Variants in NOVA1 observed in about 807,000 individuals in gnomAD.
The protein encoded by NOVA1 is NOVA alternative splicing regulator 1.
A neutral mutation model predicts 38.0 loss-of-function variants in NOVA1; 7 were observed. The observed-to-expected ratio is 0.18, with a 90% CI of 0.10 to 0.35. The LOEUF is 0.35. Among genes scored for constraint, NOVA1 ranks in the 10% least tolerant of loss-of-function variants. The pLI, the probability that NOVA1 is intolerant of heterozygous loss-of-function variation, is 1.00. For synonymous variants in NOVA1, 270 were observed against 232.5 expected (o/e 1.16, Z -1.47); for missense variants, 460 against 616.0 (o/e 0.75, Z 2.68).
At chr14:26,485,367 G>A (rs551733337) in intron 2 of NOVA1, among the ~76,000 whole-genome samples, 47 of 151,806 alleles carry the variant, frequency 3.1e-4, no homozygotes, top group African/African-American at 1.1e-3. Flanking sequence ...GATATATTTC[G>A]GAAAATGATT....
At chr14:26,454,245 T>C (rs948767491) in intron 4 of NOVA1, among the ~76,000 whole-genome samples, 4 of 152,142 alleles carry the variant, frequency 2.6e-5, no homozygotes, top group Non-Finnish European at 5.9e-5. Context: ...GGGGCACAGG[T>C]TGCACAAGCT....
At chr14:26,470,543 T>C in intron 4 of NOVA1, 5 of 1,179,074 alleles carry the variant, frequency 4.2e-6, no homozygotes, top group East Asian at 2.4e-5. Flanking sequence ...TAACAGAGTA[T>C]AGTGGACAGA....
intron 2 of NOVA1, among the ~76,000 whole-genome samples, chr14:26,533,707 G>A (rs1278111686): frequency 6.6e-6 from 1 of 152,084 alleles, no homozygotes; most frequent in Admixed American, 6.6e-5. Flanking sequence ...TCTACCCTAA[G>A]AAAATTAACT....
intron 1 of NOVA1, chr14:26,596,610 T>G (rs1272621248): frequency 2.3e-6 from 3 of 1,288,992 alleles, no homozygotes; most frequent in Admixed American, 2.3e-5. Flanking sequence ...TTAAGATGAT[T>G]CCAGTGCAAA....
chr14:26,487,478 AC>A (rs1886008656), intron 2 of NOVA1, among the ~76,000 whole-genome samples: 1 of 152,078 alleles, frequency 6.6e-6, no homozygotes, highest in African/African-American at 2.4e-5. Flanking sequence ...TGATTGACAC[AC>A]ATAAAATCTC....
intron 2 of NOVA1, among the ~76,000 whole-genome samples, chr14:26,481,275 T>G (rs942146712): frequency 2.6e-5 from 4 of 152,096 alleles, no homozygotes; most frequent in Non-Finnish European, 5.9e-5. Context: ...ACATATTTCC[T>G]TTTGGTGCTA....
At chr14:26,546,693 A>C in intron 2 of NOVA1, among the ~76,000 whole-genome samples, 1 of 152,178 alleles carries the variant, frequency 6.6e-6, no homozygotes, top group East Asian at 1.9e-4. Flanking sequence ...AAGAGGTCTA[A>C]GTATTTATCA....
intron 2 of NOVA1, among the ~76,000 whole-genome samples, chr14:26,557,300 G>A (rs756035807): frequency 3.3e-5 from 5 of 152,070 alleles, no homozygotes; most frequent in Non-Finnish European, 5.9e-5. Context: ...AATCCAAAAC[G>A]CTGACATCAC....
intron 1 of NOVA1, chr14:26,596,687 T>C (rs770424581): frequency 5.7e-5 from 73 of 1,288,758 alleles, no homozygotes; most frequent in Non-Finnish European, 7.4e-5. Flanking sequence ...AACTAACAAG[T>C]CACCGTTCCA....
chr14:26,592,437 A>C (rs1292638245), intron 2 of NOVA1, among the ~76,000 whole-genome samples: 1 of 151,424 alleles, frequency 6.6e-6, no homozygotes, highest in Non-Finnish European at 1.5e-5. Flanking sequence ...CACCAGAATT[A>C]AGTCAGTACT....
chr14:26,461,170 G>T (rs1461127556), intron 4 of NOVA1, among the ~76,000 whole-genome samples: 3 of 152,066 alleles, frequency 2.0e-5, no homozygotes, highest in Admixed American at 1.3e-4. Flanking sequence ...CTAGACACAG[G>T]ATTCTATGCA....
intron 2 of NOVA1, among the ~76,000 whole-genome samples, chr14:26,577,962 T>A: frequency 1.4e-5 from 2 of 144,698 alleles, no homozygotes; most frequent in Non-Finnish European, 1.5e-5. Context: ...ACCAAGGGAG[T>A]AACCACGGAC....
intron 2 of NOVA1, among the ~76,000 whole-genome samples, chr14:26,482,256 G>C (rs1214981974): frequency 1.3e-5 from 2 of 151,992 alleles, no homozygotes; most frequent in African/African-American, 4.8e-5. Context: ...CATACTGTTT[G>C]AAAATTAAAT....
At chr14:26,472,529 T>C (rs1884668183) in intron 3 of NOVA1, 138 bp from the exon 4 acceptor site, 1 of 434,728 alleles carries the variant, frequency 2.3e-6, no homozygotes. Context: ...TTCATTTGAA[T>C]TTAATGGATT....
At chr14:26,469,627 C>T (rs1250990188) in intron 4 of NOVA1, among the ~76,000 whole-genome samples, 5 of 152,088 alleles carry the variant, frequency 3.3e-5, no homozygotes, top group Admixed American at 2.0e-4. Flanking sequence ...CTTAAGGTAA[C>T]ACACAAGACT....
intron 2 of NOVA1, among the ~76,000 whole-genome samples, chr14:26,527,197 C>G (rs923995377): frequency 3.0e-5 from 3 of 100,982 alleles, no homozygotes; most frequent in Non-Finnish European, 4.4e-5. Flanking sequence ...TTTTCAATGA[C>G]TGATACCAGG....
chr14:26,448,352 A>G lies in NOVA1; in HGVS notation c.1131T>C (p.Gly377=), dbSNP rs1882275427. The G allele has an allele frequency of 1.9e-6, 3 of 1,614,026 alleles. No individual in the cohort carries two copies. The highest frequency in any genetic ancestry group is 2.5e-6 in the Non-Finnish European group (3 of 1,179,998). The part of the protein sequence containing the change: ...SEASASGSTA[G]GTAGTFALGS... ...CTAATGCAAATGTCCCCGCCGTACC[A>G]CCAGCTGTGCTGCCACTGGCTGAGG... The change falls in exon 5 of 5, where the codon GGT becomes GGC. Residue 377 remains glycine, a synonymous_variant. Transcript: ENST00000539517. The surrounding 1 kb of genome is among the most constrained non-coding windows in gnomAD (Gnocchi z 5.3).
At chr14:26,455,715 C>A (rs893520141) in intron 4 of NOVA1, among the ~76,000 whole-genome samples, 12 of 151,654 alleles carry the variant, frequency 7.9e-5, no homozygotes, top group African/African-American at 2.9e-4. Flanking sequence ...AAAAAAAAAT[C>A]TATGCTTTCT....
intron 2 of NOVA1, among the ~76,000 whole-genome samples, chr14:26,488,049 G>T (rs999974493): frequency 9.2e-5 from 14 of 151,944 alleles, no homozygotes; most frequent in Admixed American, 7.9e-4. Flanking sequence ...TCAAGAAAAG[G>T]TCTTTTAAAA....
Sources: gnomAD v4.1 joint callset for allele counts (sites outside exome capture counted in the v4.1 genomes callset) on GRCh38, gnomAD v4.1.1 for gene constraint, Gnocchi (gnomAD v3.1) non-coding constraint, MANE v1.5 for transcripts, NCBI Gene and HGNC (gene_info 2026-07-23, HGNC 2026-07-21) for gene names.